PTPRD: variants seen among roughly 807,000 people sequenced by gnomAD.
PTPRD encodes the protein protein tyrosine phosphatase receptor type D, also known as receptor-type tyrosine-protein phosphatase delta.
In PTPRD, 34 loss-of-function variants were observed where a neutral mutation model predicts 214.5. The observed-to-expected ratio is 0.16, with a 90% CI of 0.12 to 0.21. The LOEUF is 0.21. PTPRD is among the 10% of genes least tolerant of loss of function. The pLI is 1.00. For synonymous variants in PTPRD, 1,128 were observed against 845.7 expected, an observed-to-expected ratio of 1.33 and a Z score of -5.79; for missense variants, 2,545 against 2,398.7, an observed-to-expected ratio of 1.06 and a Z score of -1.27.
intron 3 of PTPRD, among the ~76,000 whole-genome samples, chr9:10,288,040 G>C (rs1357764024): frequency 2.0e-5 from 3 of 151,292 alleles, no homozygotes; most frequent in Non-Finnish European, 1.5e-5. Flanking sequence ...TTAAGATTGG[G>C]AGATGAATAT....
intron 11 of PTPRD, among the ~76,000 whole-genome samples, chr9:8,835,241 A>G (rs2097391810): frequency 6.6e-6 from 1 of 152,260 alleles, no homozygotes; most frequent in African/African-American, 2.4e-5. Flanking sequence ...CAAAGATCAC[A>G]GATGGATCTG....
intron 7 of PTPRD, among the ~76,000 whole-genome samples, chr9:9,654,870 T>C (rs2096467070): frequency 1.3e-5 from 2 of 152,206 alleles, no homozygotes; most frequent in African/African-American, 2.4e-5. Context: ...CAAGATAAAA[T>C]TGGTCATAGC....
chr9:10,217,315 C>T (rs1396190966), intron 3 of PTPRD, among the ~76,000 whole-genome samples: 1 of 151,766 alleles, frequency 6.6e-6, no homozygotes, highest in Non-Finnish European at 1.5e-5. Context: ...TACAAACACA[C>T]ACACTACACA....
intron 11 of PTPRD, among the ~76,000 whole-genome samples, chr9:9,014,600 A>T (rs2099526660): frequency 6.6e-6 from 1 of 152,176 alleles, no homozygotes; most frequent in Non-Finnish European, 1.5e-5. Flanking sequence ...ATTTATGGTA[A>T]TAACAATACA....
intron 7 of PTPRD, among the ~76,000 whole-genome samples, chr9:9,674,246 C>T (rs556343061): frequency 6.6e-6 from 1 of 151,814 alleles, no homozygotes; most frequent in South Asian, 2.1e-4. Flanking sequence ...GGTATTGATA[C>T]TGTTTACAAG....
rs553720794 is a variant in PTPRD at position 10,504,610 on chromosome 9, C to G, written c.-600+107788G>C. 3.9e-5 allele frequency among the ~76,000 whole-genome samples: 6 copies of G among 152,270 alleles called. No individual in the cohort carries two copies. The East Asian group carries it at 5.8e-4, about 15-fold the overall frequency. On this transcript the variant is annotated intron_variant, in intron 2 of 45. Transcript: ENST00000381196. ...TTGGAACTTTGATTTTACATAGCAA[C>G]TCTTCCGAATTCGTCAATTGCACAA... is the stretch of plus-strand genomic sequence containing the variant.
At chr9:9,310,860 G>T (rs1227414000) in intron 9 of PTPRD, among the ~76,000 whole-genome samples, 1 of 151,970 alleles carries the variant, frequency 6.6e-6, no homozygotes, top group Non-Finnish European at 1.5e-5. Flanking sequence ...AGAGGTTGTG[G>T]TGAGCCAAGA....
rs2099610900 is a variant in PTPRD, at chr9:9,033,130, C to G, written c.-142-14395G>C. On this transcript the variant is annotated intron_variant, in intron 10 of 45. Transcript: ENST00000381196. ...CTCTTTCCCTCTGTTCTCCCTTGAC[C>G]TTCTTTTCTCATTTGGCTCACTGGG... Among the ~76,000 whole-genome samples, 4 of 152,106 alleles carry G rather than the reference C, an allele frequency of 2.6e-5. No homozygotes were observed. In the South Asian group the frequency reaches 8.3e-4, roughly 32 times the overall value.
At chr9:8,907,285 G>C (rs1425785285) in intron 11 of PTPRD, among the ~76,000 whole-genome samples, 1 of 151,874 alleles carries the variant, frequency 6.6e-6, no homozygotes, top group Non-Finnish European at 1.5e-5. Context: ...AAAGAAACAA[G>C]ACAATATGAA....
chr9:10,394,279 AT>A (rs1455967830), intron 2 of PTPRD, among the ~76,000 whole-genome samples: 1 of 148,102 alleles, frequency 6.8e-6, no homozygotes, highest in Non-Finnish European at 1.5e-5. Context: ...TATAAGTAAA[AT>A]TCTCATTTGC....
chr9:8,770,317 C>T (rs1397394029), intron 11 of PTPRD, among the ~76,000 whole-genome samples: 1 of 150,842 alleles, frequency 6.6e-6, no homozygotes, highest in Non-Finnish European at 1.5e-5. Context: ...AAGAAAGTAC[C>T]TTCTCAATTT....
intron 4 of PTPRD, among the ~76,000 whole-genome samples, chr9:9,972,646 C>T (rs2095172103): frequency 6.6e-6 from 1 of 152,160 alleles, no homozygotes; most frequent in Non-Finnish European, 1.5e-5. Context: ...AATCCAATAT[C>T]AACCTCACTA....
At chr9:9,819,909 G>T (rs2050127026) in intron 5 of PTPRD, among the ~76,000 whole-genome samples, 1 of 152,094 alleles carries the variant, frequency 6.6e-6, no homozygotes, top group African/African-American at 2.4e-5. Context: ...TGGACACATA[G>T]ATTGATTCCA....
chr9:9,847,309 G>A (rs773914742), intron 5 of PTPRD, among the ~76,000 whole-genome samples: 1 of 151,976 alleles, frequency 6.6e-6, no homozygotes, highest in African/African-American at 2.4e-5. Flanking sequence ...TTACTGATGT[G>A]TTCTATGGTA....
At chr9:10,535,210 G>A (rs971305438) in intron 2 of PTPRD, among the ~76,000 whole-genome samples, 11 of 152,060 alleles carry the variant, frequency 7.2e-5, no homozygotes, top group Non-Finnish European at 1.5e-4. Flanking sequence ...GTAGCAGATT[G>A]CTGCTTTAAT....
intron 3 of PTPRD, among the ~76,000 whole-genome samples, chr9:10,236,985 A>G (rs2099631134): frequency 6.6e-6 from 1 of 151,946 alleles, no homozygotes; most frequent in Non-Finnish European, 1.5e-5. Context: ...CAGTGAGAAT[A>G]TTCTGTATGA....
intron 4 of PTPRD, among the ~76,000 whole-genome samples, chr9:9,979,681 T>A (rs989979585): frequency 3.9e-5 from 6 of 152,158 alleles, no homozygotes; most frequent in African/African-American, 1.2e-4. Flanking sequence ...TAACAAAGAA[T>A]AATTTATAGA....
chr9:10,450,404 C>A (rs542587096), intron 2 of PTPRD, among the ~76,000 whole-genome samples: 1 of 151,848 alleles, frequency 6.6e-6, no homozygotes. Flanking sequence ...CTGTTGGGAA[C>A]TATAAGCAAT....
At position 8,521,522 on chromosome 9, in the gene PTPRD, G is replaced by C. The variant is rs2138912551; in HGVS notation, c.716C>G (p.Ser239Cys). 1 of 1,613,890 alleles carries C rather than the reference G, an allele frequency of 6.2e-7. No homozygotes were observed. Residue 239 changes from serine to cysteine, a missense_variant, in exon 20 of 46, where the codon TCT (serine) becomes TGT (cysteine). Physicochemically the swap from Ser to Cys is moderately radical, Grantham distance 112. Coordinates refer to ENST00000381196, the MANE Select transcript of PTPRD (RefSeq NM_002839.4). ...REVRRVPPRF[S>C]IPPTNHEIMP... ...GATTTCATGATTAGTGGGTGGGATA[G>C]AGAATCTTGGTGGGACACGGCGAAC...
Sources: gnomAD v4.1 joint callset for allele counts (sites outside exome capture counted in the v4.1 genomes callset) on GRCh38, gnomAD v4.1.1 for gene constraint, MANE v1.5 for transcripts, NCBI Gene and HGNC (gene_info 2026-07-23, HGNC 2026-07-21) for gene names.